RNF150: variants seen among roughly 807,000 people sequenced by gnomAD.
The protein encoded by RNF150 is ring finger protein 150.
In RNF150, 24 loss-of-function variants were observed where a neutral mutation model predicts 39.3. That is an observed-to-expected ratio of 0.61 (90% confidence interval 0.44 to 0.86). RNF150 has a LOEUF of 0.86. Ranked by LOEUF, RNF150 falls within the 40% of genes least tolerant of loss-of-function variation. RNF150 has a pLI of 0.00. For missense variants in RNF150, 502 were observed against 587.8 expected (o/e 0.85, Z 1.51); for synonymous variants, 255 against 227.3 (o/e 1.12, Z -1.10).
chr4:141,119,874 G>A (rs1201559921), intron 1 of RNF150, among the ~76,000 whole-genome samples: 1 of 152,178 alleles, frequency 6.6e-6, no homozygotes, highest in East Asian at 1.9e-4. Context: ...AGCAAGAATA[G>A]CTCTGCTAAG....
intron 6 of RNF150, among the ~76,000 whole-genome samples, chr4:140,901,566 T>C (rs577055986): frequency 2.0e-4 from 30 of 152,326 alleles, no homozygotes; most frequent in African/African-American, 7.0e-4. Context: ...ATTACTGTAG[T>C]TGGTTTCCCT....
At chr4:140,877,140 C>T (rs1729185277) in intron 6 of RNF150, among the ~76,000 whole-genome samples, 1 of 152,174 alleles carries the variant, frequency 6.6e-6, no homozygotes, top group Non-Finnish European at 1.5e-5. Flanking sequence ...CTTCATCTAG[C>T]AGGGGAAAGA....
intron 6 of RNF150, among the ~76,000 whole-genome samples, chr4:140,894,835 G>A (rs1375039745): frequency 6.6e-6 from 1 of 152,178 alleles, no homozygotes; most frequent in Admixed American, 6.5e-5. Flanking sequence ...TTCCTGTAAC[G>A]TAGATGCCTT....
intron 5 of RNF150, among the ~76,000 whole-genome samples, chr4:140,920,880 C>T (rs1433054562): frequency 2.6e-5 from 4 of 151,488 alleles, no homozygotes; most frequent in Admixed American, 2.0e-4. Context: ...AGTTCATGTC[C>T]TTTATAGGGA....
At chr4:140,967,596 A>T in intron 2 of RNF150, 27 bp downstream of exon 2, 3 of 1,562,192 alleles carry the variant, frequency 1.9e-6, no homozygotes, top group Non-Finnish European at 1.7e-6. Flanking sequence ...ACAATTTTTA[A>T]AAGTTTTTTA....
At position 140,896,741 on chromosome 4, in the gene RNF150, T is replaced by C. The variant is rs553749056; in HGVS notation, c.1198+14403A>G. On this transcript the variant is annotated intron_variant, in intron 6 of 6. Transcript: ENST00000515673. ...ACAAACAAAAAAAAATAATTTTTTT[T>C]CTTTAAAAAAGAAAGGAAGCACTTC... 4.2e-4 allele frequency among the ~76,000 whole-genome samples: 62 copies of C among 149,156 alleles called. No individual in the cohort carries two copies. In the South Asian group the frequency reaches 0.013, roughly 31 times the overall value.
chr4:140,909,380 C>T (rs62345036), intron 6 of RNF150, among the ~76,000 whole-genome samples: 5,775 of 152,094 alleles, frequency 0.038, 172 homozygotes, highest in Admixed American at 0.076. Flanking sequence ...TGAAGATAAA[C>T]ATAACTTTAT....
At chr4:140,999,977 A>AGAAGAAGAAGAAGAAGAAGAAGAAG (rs70946722) in intron 1 of RNF150, among the ~76,000 whole-genome samples, 1 of 34,676 alleles carries the variant, frequency 2.9e-5, no homozygotes. Flanking sequence ...AAGAAGAAGA[A>AGAAGAAGAAGAAGAAGAAGAAGAAG]AAGAAGAAAA....
chr4:141,197,410 G>T (rs1560775676), intron 1 of RNF150, among the ~76,000 whole-genome samples: 3 of 152,014 alleles, frequency 2.0e-5, no homozygotes, highest in Admixed American at 1.3e-4. Context: ...GGCACTTAAT[G>T]TATTTATTTT....
Position 141,120,901 on chromosome 4 carries a change from T to C in RNF150, c.484+11424A>G, listed in dbSNP as rs569559504. Reference sequence around the variant, plus strand: ...TCAAAAGTTCATTCTGTTTGCTGTATGGGCAGCAGATGGCAGGGGGCAGGA... The same window carrying C: ...TCAAAAGTTCATTCTGTTTGCTGTACGGGCAGCAGATGGCAGGGGGCAGGA... On this transcript the variant is annotated intron_variant, in intron 1 of 6. Coordinates refer to ENST00000515673, the MANE Select transcript of RNF150 (RefSeq NM_020724.2). Among the ~76,000 whole-genome samples the C allele has an allele frequency of 4.6e-5, 7 of 152,286 alleles. No individual in the cohort carries two copies. The South Asian group carries it at 1.5e-3, about 32-fold the overall frequency.
At chr4:141,160,609 G>C (rs1484203231) in intron 1 of RNF150, among the ~76,000 whole-genome samples, 1 of 152,148 alleles carries the variant, frequency 6.6e-6, no homozygotes, top group Admixed American at 6.5e-5. Flanking sequence ...GGTGGGGCCT[G>C]GTGGAAGATG....
chr4:141,062,407 A>G (rs1282017754), intron 1 of RNF150, among the ~76,000 whole-genome samples: 1 of 152,142 alleles, frequency 6.6e-6, no homozygotes, highest in Non-Finnish European at 1.5e-5. Flanking sequence ...ACACGCACAT[A>G]CAGTAGCAAG....
chr4:140,954,855 A>G (rs1052101978), intron 2 of RNF150, among the ~76,000 whole-genome samples: 2 of 152,236 alleles, frequency 1.3e-5, no homozygotes, highest in Non-Finnish European at 2.9e-5. Flanking sequence ...AAAAATTTGG[A>G]ACATAAGGAT....
intron 1 of RNF150, among the ~76,000 whole-genome samples, chr4:141,042,259 A>G (rs1736400335): frequency 6.6e-6 from 1 of 152,118 alleles, no homozygotes; most frequent in African/African-American, 2.4e-5. Flanking sequence ...TCTTGTATAA[A>G]ATGTGAGACT....
At chr4:141,068,040 G>C (rs1421910801) in intron 1 of RNF150, among the ~76,000 whole-genome samples, 9 of 151,898 alleles carry the variant, frequency 5.9e-5, no homozygotes, top group Admixed American at 5.3e-4. Flanking sequence ...CTGCCTCCCA[G>C]GTTCAAGCAA....
intron 1 of RNF150, among the ~76,000 whole-genome samples, chr4:140,992,532 C>T (rs965143731): frequency 6.6e-6 from 1 of 152,106 alleles, no homozygotes; most frequent in Admixed American, 6.6e-5. Flanking sequence ...GCCTTGCTCC[C>T]ACTGCTGTTA....
intron 1 of RNF150, among the ~76,000 whole-genome samples, chr4:140,982,829 C>A (rs1484406237): frequency 6.6e-6 from 1 of 152,120 alleles, no homozygotes; most frequent in Non-Finnish European, 1.5e-5. Flanking sequence ...AGCGGTGATT[C>A]TGTCCTTGGC....
At chr4:141,098,487 G>T (rs1394582556) in intron 1 of RNF150, among the ~76,000 whole-genome samples, 2 of 152,224 alleles carry the variant, frequency 1.3e-5, no homozygotes, top group Non-Finnish European at 2.9e-5. Context: ...GTCAAGAGTT[G>T]CAGGTCTTAA....
At chr4:140,898,397 CT>C (rs1252907113) in intron 6 of RNF150, among the ~76,000 whole-genome samples, 1 of 152,006 alleles carries the variant, frequency 6.6e-6, no homozygotes, top group Non-Finnish European at 1.5e-5. Context: ...TGAGACATGG[CT>C]AACTACTATT....
Sources: allele counts gnomAD v4.1 joint callset (sites outside exome capture counted in the v4.1 genomes callset), GRCh38; gene constraint gnomAD v4.1.1; transcripts MANE v1.5; gene names NCBI Gene and HGNC (gene_info 2026-07-23, HGNC 2026-07-21).